MYO10: variants seen among roughly 807,000 people sequenced by gnomAD.
The protein encoded by MYO10 is myosin X.
MYO10 carries 133 observed loss-of-function variants against 257.3 expected under a neutral mutation model. The ratio of observed to expected loss-of-function variants is 0.52; its 90% CI spans 0.45 to 0.60. The LOEUF (loss-of-function observed/expected upper bound fraction) is 0.60. MYO10 is among the 20% of genes least tolerant of loss of function. MYO10 has a pLI of 0.00. For synonymous variants in MYO10, 1,104 were observed against 1,028.6 expected, an observed-to-expected ratio of 1.07 and a Z score of -1.40; for missense variants, 2,399 against 2,635.7, an observed-to-expected ratio of 0.91 and a Z score of 1.97.
intron 19 of MYO10, among the ~76,000 whole-genome samples, chr5:16,743,320 C>A (rs116182337): frequency 0.014 from 2,128 of 152,166 alleles, 23 homozygotes; most frequent in Admixed American, 0.02. Context: ...TTGTCCATAT[C>A]ATTCACCAGT....
chr5:16,891,998 A>G (rs1160528955), intron 1 of MYO10, among the ~76,000 whole-genome samples: 1 of 152,182 alleles, frequency 6.6e-6, no homozygotes, highest in African/African-American at 2.4e-5. Context: ...TATTTACATC[A>G]TATTTATATC....
intron 4 of MYO10, among the ~76,000 whole-genome samples, chr5:16,784,678 C>T (rs113508735): frequency 3.9e-5 from 6 of 152,294 alleles, no homozygotes; most frequent in African/African-American, 1.4e-4. Flanking sequence ...CTGACAACCG[C>T]TGAATGGTGG....
intron 16 of MYO10, among the ~76,000 whole-genome samples, 164 bp downstream of exon 16, chr5:16,761,881 G>A (rs908975731): frequency 1.3e-5 from 2 of 151,876 alleles, no homozygotes; most frequent in Non-Finnish European, 2.9e-5. Context: ...TCAAACTCCT[G>A]TCCTCAAGTG....
Position 16,701,627 on chromosome 5 carries a change from C to T in MYO10, c.2768G>A (p.Arg923Gln), listed in dbSNP as rs773102938. The T allele has an allele frequency of 4.3e-6, 7 of 1,613,592 alleles. No individual in the cohort carries two copies. The highest frequency in any genetic ancestry group is 2.7e-5 in the African/African-American group (2 of 75,058). Reference sequence around the variant, plus strand: ...CTCCAGCCTGCGGAGCTCCTGGTCCCGCCGCTCCTGCAGCTTCTGCAGGGA... The same window carrying T: ...CTCCAGCCTGCGGAGCTCCTGGTCCTGCCGCTCCTGCAGCTTCTGCAGGGA... ...EASLQKLQER[R>Q]DQELRRLEEE... The change falls in exon 25 of 41, where the codon CGG becomes CAG. Residue 923 changes from arginine (R) to glutamine (Q), a missense_variant. By Grantham distance (43) the Arg-to-Gln change is conservative. Around this residue, in one of 3 missense-constraint regions of MYO10, gnomAD observed 1,820 missense variants for 1,939.4 expected, o/e 0.94. Transcript: ENST00000513610. The surrounding 1 kb of genome is among the most constrained non-coding windows in gnomAD (Gnocchi z 8.1).
At chr5:16,884,079 G>C (rs771558144) in intron 1 of MYO10, among the ~76,000 whole-genome samples, 2 of 152,170 alleles carry the variant, frequency 1.3e-5, no homozygotes, top group African/African-American at 4.8e-5. Context: ...CTTGAAATGT[G>C]ATCTGCTTTT....
At chr5:16,830,374 G>A (rs1037706934) in intron 2 of MYO10, among the ~76,000 whole-genome samples, 5 of 152,050 alleles carry the variant, frequency 3.3e-5, no homozygotes, top group Non-Finnish European at 5.9e-5. Context: ...AAAACTTTCT[G>A]TATAATTTTT....
chr5:16,891,757 C>G (rs1745068234), intron 1 of MYO10, among the ~76,000 whole-genome samples: 2 of 152,138 alleles, frequency 1.3e-5, no homozygotes. Context: ...ATTCTTGACC[C>G]TCCTTATTAC....
In MYO10 at chr5:16,818,392, G is replaced by GTATA. The variant is rs1561000796; in HGVS notation, c.121-226_121-225insTATA. On this transcript the variant is annotated intron_variant, in intron 2 of 40. Coordinates refer to ENST00000513610, the MANE Select transcript of MYO10 (RefSeq NM_012334.3). Reference sequence around the variant, plus strand: ...TGTGTGTGTGTGTGCGTGTGTGTGTGTGTGTGTGTGTGTGTGTGTATATAT... The same window carrying GTATA: ...TGTGTGTGTGTGTGCGTGTGTGTGTGTATATGTGTGTGTGTGTGTGTGTATATAT... Among the ~76,000 whole-genome samples, 144 of 104,944 alleles carry GTATA rather than the reference G, an allele frequency of 1.4e-3. 1 individual carries two copies. Among genetic ancestry groups the GTATA allele is most frequent in the African/African-American group, 4.6e-3 (127 of 27,592 alleles). 68.8% of individuals were successfully genotyped at this position (104,944 alleles called of 152,430 possible). A position where few individuals can be genotyped will look rare whatever the true frequency, so the allele number is the denominator to read the frequency against.
chr5:16,776,830 C>A (rs1475440539), intron 9 of MYO10, among the ~76,000 whole-genome samples: 1 of 152,204 alleles, frequency 6.6e-6, no homozygotes, highest in Non-Finnish European at 1.5e-5. Context: ...GCCAAGTGCT[C>A]CCTAGCGGCC....
At chr5:16,919,281 G>A (rs1384672641) in intron 1 of MYO10, among the ~76,000 whole-genome samples, 1 of 152,150 alleles carries the variant, frequency 6.6e-6, no homozygotes, top group African/African-American at 2.4e-5. Flanking sequence ...AGGAGGCTGA[G>A]GCATGAGAAT....
rs565820129 is a variant in MYO10 at position 16,906,583 on chromosome 5, G to A, written c.22-28876C>T. Among the ~76,000 whole-genome samples, 5 of 152,254 alleles carry A rather than the reference G, an allele frequency of 3.3e-5. No homozygotes were observed. The East Asian group carries it at 9.7e-4, about 29-fold the overall frequency. ...ACAACTTTAAATCATTAACTACCAA[G>A]GGCTGGATGTCAGAAGCCAGCATGG... On this transcript the variant is annotated intron_variant, in intron 1 of 40. Transcript: ENST00000513610.
At chr5:16,844,358 A>G (rs914369512) in intron 2 of MYO10, among the ~76,000 whole-genome samples, 1 of 152,166 alleles carries the variant, frequency 6.6e-6, no homozygotes, top group Admixed American at 6.5e-5. Flanking sequence ...ATCTTTAATG[A>G]TGTCAATATT....
chr5:16,907,027 T>C (rs565714988), intron 1 of MYO10, among the ~76,000 whole-genome samples: 1 of 152,048 alleles, frequency 6.6e-6, no homozygotes, highest in African/African-American at 2.4e-5. Context: ...GGCAGGAGAA[T>C]CACTTGAACC....
chr5:16,798,209 C>T (rs867877051), intron 3 of MYO10, among the ~76,000 whole-genome samples: 6 of 152,116 alleles, frequency 3.9e-5, no homozygotes, highest in African/African-American at 9.7e-5. Context: ...TTATAAATTA[C>T]CCAGTGTGTG....
chr5:16,751,244 A>G (rs1052553268), intron 19 of MYO10, among the ~76,000 whole-genome samples: 2 of 152,108 alleles, frequency 1.3e-5, no homozygotes. Context: ...TTCTATAAGA[A>G]TCTATCTTTG....
chr5:16,814,862 A>G (rs1402394384), intron 3 of MYO10: 1 of 152,192 alleles, frequency 6.6e-6, no homozygotes, highest in Non-Finnish European at 1.5e-5. Context: ...CAAGACCAAG[A>G]TCTTATTCAT....
chr5:16,701,759 T>A lies in MYO10; in HGVS notation c.2636A>T (p.Glu879Val). Reference sequence around the variant, plus strand: ...CACCTGCTTATTTTCCTTCTGTTTCTCCAGTTCACGGGTCAGTTCAGCTTC... The same window carrying A: ...CACCTGCTTATTTTCCTTCTGTTTCACCAGTTCACGGGTCAGTTCAGCTTC... Reference protein sequence around the residue: ...QKEAELTRELEKQKENKQVEE... With the variant: ...QKEAELTRELVKQKENKQVEE... Residue 879 changes from glutamate (E) to valine (V), a missense_variant, in exon 25 of 41, where the codon GAG becomes GTG. Glu to Val is a moderately radical substitution (Grantham distance 121, BLOSUM62 -2). Transcript: ENST00000513610. This position sits in a 1 kb window ranked among gnomAD's most constrained non-coding sequence, Gnocchi z 8.1. 1 of 1,614,012 alleles carries A rather than the reference T, an allele frequency of 6.2e-7. No individual in the cohort carries two copies. The highest frequency in any genetic ancestry group is 8.5e-7 in the Non-Finnish European group (1 of 1,179,892).
At chr5:16,752,178 G>A (rs1310547759) in intron 19 of MYO10, among the ~76,000 whole-genome samples, 1 of 152,196 alleles carries the variant, frequency 6.6e-6, no homozygotes, top group African/African-American at 2.4e-5. Context: ...AGATGCCTAC[G>A]ATTGTAAAAC....
chr5:16,691,392 A>T (rs1404973610), intron 27 of MYO10, among the ~76,000 whole-genome samples: 1 of 151,256 alleles, frequency 6.6e-6, no homozygotes, highest in East Asian at 2.0e-4. Flanking sequence ...CTGAGATGAA[A>T]TATTTAAAAA....
Sources: allele counts gnomAD v4.1 joint callset (sites outside exome capture counted in the v4.1 genomes callset), GRCh38; gene constraint gnomAD v4.1.1; regional missense constraint gnomAD v4.1.1; non-coding constraint Gnocchi (gnomAD v3.1); transcripts MANE v1.5; gene names NCBI Gene and HGNC (gene_info 2026-07-23, HGNC 2026-07-21).